Variants in PCDH7 observed in about 807,000 individuals in gnomAD.
The protein encoded by PCDH7 is protocadherin 7, also known as protocadherin-7.
Under a neutral mutation model 58.9 loss-of-function variants are expected in PCDH7, and 17 were observed. That is an observed-to-expected ratio of 0.29 (90% CI 0.20 to 0.43). PCDH7 has a LOEUF of 0.43. PCDH7 is among the 20% of genes least tolerant of loss of function. The probability of loss-of-function intolerance (pLI) is 1.00; values close to 1 mark genes in which losing one functional copy is unlikely to be tolerated. For missense variants in PCDH7, 1,274 were observed against 1,441.0 expected, an observed-to-expected ratio of 0.88 and a Z score of 1.88; for synonymous variants, 664 against 616.4, an observed-to-expected ratio of 1.08 and a Z score of -1.14.
intron 1 of PCDH7, among the ~76,000 whole-genome samples, chr4:30,766,069 G>T (rs1720704557): frequency 6.6e-6 from 1 of 151,584 alleles, no homozygotes; most frequent in African/African-American, 2.4e-5. Context: ...AGGAAAAGTG[G>T]CTGGGGACAC....
At chr4:30,803,193 A>T (rs182178730) in intron 1 of PCDH7, among the ~76,000 whole-genome samples, 1 of 152,160 alleles carries the variant, frequency 6.6e-6, no homozygotes, top group African/African-American at 2.4e-5. Context: ...AGAGAGGAAA[A>T]TTTCACAATT....
intron 3 of PCDH7, among the ~76,000 whole-genome samples, chr4:31,101,750 T>C (rs1399115194): frequency 6.6e-6 from 1 of 152,228 alleles, no homozygotes; most frequent in Non-Finnish European, 1.5e-5. Flanking sequence ...AAGCATATTA[T>C]ATAAATGCAT....
At chr4:30,823,810 C>T (rs966880360) in intron 1 of PCDH7, among the ~76,000 whole-genome samples, 1 of 152,126 alleles carries the variant, frequency 6.6e-6, no homozygotes, top group Non-Finnish European at 1.5e-5. Context: ...AGTGCTGCCT[C>T]TGCAGAACAA....
At chr4:31,111,561 C>T (rs900816595) in intron 3 of PCDH7, among the ~76,000 whole-genome samples, 2 of 152,068 alleles carry the variant, frequency 1.3e-5, no homozygotes, top group African/African-American at 4.8e-5. Context: ...CGGCCCATCT[C>T]GGCCTCCCAC....
At chr4:30,901,003 T>A (rs2109394349) in intron 1 of PCDH7, among the ~76,000 whole-genome samples, 1 of 152,300 alleles carries the variant, frequency 6.6e-6, no homozygotes, top group East Asian at 1.9e-4. Flanking sequence ...TCATTGTTCA[T>A]ATAGTATCTA....
intron 1 of PCDH7, among the ~76,000 whole-genome samples, chr4:30,789,626 A>G (rs912500078): frequency 2.6e-5 from 4 of 152,146 alleles, no homozygotes; most frequent in Non-Finnish European, 5.9e-5. Flanking sequence ...TCTCTGAAGC[A>G]TGCTGACTTG....
chr4:30,873,287 T>C (rs1189983755), intron 1 of PCDH7, among the ~76,000 whole-genome samples: 2 of 152,056 alleles, frequency 1.3e-5, no homozygotes, highest in African/African-American at 4.8e-5. Flanking sequence ...TGAATACAAT[T>C]ATGCTTTAGA....
At chr4:30,933,033 C>CA (rs1197713607) in intron 2 of PCDH7, among the ~76,000 whole-genome samples, 1 of 147,254 alleles carries the variant, frequency 6.8e-6, no homozygotes, top group Non-Finnish European at 1.5e-5. Flanking sequence ...TTCTTTCTTT[C>CA]TTTTTTTTTT....
At chr4:31,060,558 G>A (rs1053111474) in intron 3 of PCDH7, among the ~76,000 whole-genome samples, 2 of 151,582 alleles carry the variant, frequency 1.3e-5, no homozygotes, top group African/African-American at 4.8e-5. Flanking sequence ...CATCAACTTA[G>A]GTTACTTCTA....
chr4:30,788,509 T>A (rs1723706977), intron 1 of PCDH7, among the ~76,000 whole-genome samples: 1 of 152,120 alleles, frequency 6.6e-6, no homozygotes, highest in Non-Finnish European at 1.5e-5. Context: ...AACTGTATAA[T>A]TCTGTTGTAT....
chr4:31,109,914 T>C (rs1484884472), intron 3 of PCDH7, among the ~76,000 whole-genome samples: 1 of 152,210 alleles, frequency 6.6e-6, no homozygotes, highest in African/African-American at 2.4e-5. Flanking sequence ...CTTGACTTCA[T>C]TGGAGGCCCT....
intron 1 of PCDH7, among the ~76,000 whole-genome samples, chr4:30,891,996 G>A (rs1315407071): frequency 6.6e-6 from 1 of 151,930 alleles, no homozygotes; most frequent in Non-Finnish European, 1.5e-5. Context: ...AAAAAAGAAT[G>A]AATGTTAAAT....
chr4:30,931,737 T>A (rs1744630411), intron 2 of PCDH7, among the ~76,000 whole-genome samples: 1 of 151,666 alleles, frequency 6.6e-6, no homozygotes, highest in Admixed American at 6.6e-5. Flanking sequence ...CATTGTAACA[T>A]CATTATCAGA....
intron 3 of PCDH7, among the ~76,000 whole-genome samples, chr4:30,952,905 C>A (rs905690780): frequency 6.6e-6 from 1 of 152,166 alleles, no homozygotes; most frequent in Non-Finnish European, 1.5e-5. Context: ...AAATATCCCT[C>A]TCCACCACAT....
chr4:31,137,362 C>G (rs1719732434), intron 3 of PCDH7, among the ~76,000 whole-genome samples: 1 of 152,180 alleles, frequency 6.6e-6, no homozygotes, highest in Non-Finnish European at 1.5e-5. Context: ...GAGGGCAGAT[C>G]CCTTGAGATC....
At chr4:30,924,912 G>A (rs1282436887) in intron 2 of PCDH7, among the ~76,000 whole-genome samples, 1 of 151,236 alleles carries the variant, frequency 6.6e-6, no homozygotes, top group African/African-American at 2.4e-5. Context: ...AACAGCAGAT[G>A]ATCCATAAAC....
At chr4:31,038,283 T>G (rs765943633) in intron 3 of PCDH7, among the ~76,000 whole-genome samples, 35 of 152,340 alleles carry the variant, frequency 2.3e-4, no homozygotes, top group Non-Finnish European at 4.6e-4. Flanking sequence ...TCTTAAATAT[T>G]GTTCTGTATG....
chr4:31,025,023 G>GT (rs745370704), intron 3 of PCDH7, among the ~76,000 whole-genome samples: 4 of 152,188 alleles, frequency 2.6e-5, no homozygotes, highest in Non-Finnish European at 5.9e-5. Context: ...CGTTTCAGGC[G>GT]TGAGCCACTG....
chr4:30,884,132 G>A (rs1322884427), intron 1 of PCDH7, among the ~76,000 whole-genome samples: 1 of 152,038 alleles, frequency 6.6e-6, no homozygotes, highest in Admixed American at 6.6e-5. Flanking sequence ...AATAATTTGG[G>A]CACATAATGA....
Sources: gnomAD v4.1 joint callset for allele counts (sites outside exome capture counted in the v4.1 genomes callset) on GRCh38, gnomAD v4.1.1 for gene constraint, MANE v1.5 for transcripts, NCBI Gene and HGNC (gene_info 2026-07-23, HGNC 2026-07-21) for gene names.